The following DLAT variants were observed in gnomAD, a reference collection of about 807,000 sequenced individuals.
DLAT encodes the protein dihydrolipoyllysine-residue acetyltransferase component of pyruvate dehydrogenase complex, mitochondrial.
Under a neutral mutation model 68.0 loss-of-function variants are expected in DLAT, and 43 were observed. That is an observed-to-expected ratio of 0.63 (90% confidence interval 0.50 to 0.81). DLAT has a LOEUF of 0.81. Among genes scored for constraint, DLAT ranks in the 40% least tolerant of loss-of-function variants. The pLI is 0.00. For missense variants in DLAT, 745 were observed against 815.4 expected (o/e 0.91, Z 1.05); for synonymous variants, 265 against 288.6 (o/e 0.92, Z 0.83).
intron 9 of DLAT, 96 bp downstream of exon 9, chr11:112,045,326 T>A: frequency 9.7e-7 from 1 of 1,034,632 alleles, no homozygotes. Flanking sequence ...AGAGGCTTTT[T>A]AAGTTGGGAA....
rs1489118768 is a variant in DLAT at position 112,025,589 on chromosome 11, C to G, written c.117C>G (p.Gly39=). The part of the protein sequence containing the change: ...PGTPRVTSRS[G]PAPARRNSVT... The stretch of plus-strand genomic sequence containing the variant: ...CTCCACGAGTGACCTCGCGATCTGG[C>G]CCGGCTCCCGCTCGTCGCAACAGCG... Residue 39 remains glycine (G), a synonymous_variant, in exon 1 of 14, where the codon GGC becomes GGG. Transcript: ENST00000280346. 5.6e-6 allele frequency: 9 copies of G among 1,613,826 alleles called. No individual in the cohort carries two copies. The highest frequency in any genetic ancestry group is 7.6e-6 in the Non-Finnish European group (9 of 1,180,004).
chr11:112,036,205 T>TGG (rs1566617834), intron 5 of DLAT, among the ~76,000 whole-genome samples: 1 of 36,920 alleles, frequency 2.7e-5, no homozygotes, highest in African/African-American at 1.0e-4. Context: ...GTGTGTGTTT[T>TGG]TTTTTTTTTT....
intron 7 of DLAT, 72 bp downstream of exon 7, chr11:112,039,469 G>A: frequency 4.2e-6 from 6 of 1,436,962 alleles, no homozygotes; most frequent in Non-Finnish European, 5.9e-6. Flanking sequence ...AGACTTGCAA[G>A]TACAACTATG....
At chr11:112,026,797 G>T (rs1377736875) in intron 2 of DLAT, among the ~76,000 whole-genome samples, 1 of 152,068 alleles carries the variant, frequency 6.6e-6, no homozygotes, top group Non-Finnish European at 1.5e-5. Context: ...AACCGCCATT[G>T]TCATCATGGC....
At chr11:112,034,122 T>C (rs1862564942) in intron 5 of DLAT, among the ~76,000 whole-genome samples, 1 of 152,224 alleles carries the variant, frequency 6.6e-6, no homozygotes, top group South Asian at 2.1e-4. Context: ...TCACAGATTA[T>C]TTTTAGGCCC....
At chr11:112,059,804 C>A (rs1864436617) in intron 11 of DLAT, 99 bp from the exon 12 acceptor site, 2 of 1,102,380 alleles carry the variant, frequency 1.8e-6, no homozygotes, top group African/African-American at 1.6e-5. Flanking sequence ...CACATTGGTT[C>A]AAAAAATTTT....
At chr11:112,042,287 G>A (rs1406007588) in intron 7 of DLAT, among the ~76,000 whole-genome samples, 3 of 152,224 alleles carry the variant, frequency 2.0e-5, no homozygotes, top group Admixed American at 6.5e-5. Flanking sequence ...ATTCTTGTGG[G>A]TGGCTGAAGC....
chr11:112,048,406 A>T lies in DLAT; in HGVS notation c.1398+2436A>T, dbSNP rs185207356. ...GGTTTTCTAACTATACAATCATGTC[A>T]TCTACAAACAGACAATTTGACTTCC... On this transcript the variant is annotated intron_variant, in intron 10 of 13. Coordinates refer to ENST00000280346, the MANE Select transcript of DLAT (RefSeq NM_001931.5). Among the ~76,000 whole-genome samples, 4 of 152,326 alleles carry T rather than the reference A, an allele frequency of 2.6e-5. No individual in the cohort carries two copies. In the East Asian group the frequency reaches 7.7e-4, roughly 29 times the overall value.
chr11:112,044,130 GT>G (rs1430136301), intron 8 of DLAT, among the ~76,000 whole-genome samples: 1 of 152,040 alleles, frequency 6.6e-6, no homozygotes, highest in Non-Finnish European at 1.5e-5. Context: ...TAAAAGATTT[GT>G]TCTTTTTTTC....
intron 4 of DLAT, chr11:112,030,112 C>T (rs1464119842): frequency 5.2e-6 from 4 of 765,808 alleles, no homozygotes; most frequent in Non-Finnish European, 9.1e-6. Flanking sequence ...CTGGCGACTC[C>T]AGTACCATCT....
At chr11:112,039,480 T>A in intron 7 of DLAT, 83 bp downstream of exon 7, 2 of 1,349,838 alleles carry the variant, frequency 1.5e-6, no homozygotes, top group Non-Finnish European at 2.1e-6. Flanking sequence ...TACAACTATG[T>A]ATAGCCGTAC....
chr11:112,041,981 C>G (rs1555181031), intron 7 of DLAT, among the ~76,000 whole-genome samples: 1 of 151,882 alleles, frequency 6.6e-6, no homozygotes, highest in Non-Finnish European at 1.5e-5. Flanking sequence ...CATAAATGAC[C>G]TTATAGATTA....
chr11:112,063,271 A>G lies in DLAT; in HGVS notation c.*736A>G, dbSNP rs1347122029. 1 of 152,302 alleles carries G rather than the reference A, an allele frequency of 6.6e-6. No homozygotes were observed. Among genetic ancestry groups the G allele is most frequent in the Admixed American group, 6.5e-5 (1 of 15,294 alleles). 9.4% of individuals were successfully genotyped at this position (152,302 alleles called of 1,614,324 possible). ...ATGTGTAATTTTGAGTACAGAATTC[A>G]ACAGTTACCTCCAAAAAAGAAACAT... On this transcript the variant is annotated 3_prime_UTR_variant, in exon 14 of 14. Transcript: ENST00000280346.
chr11:112,046,482 A>G (rs1215608689), intron 10 of DLAT, among the ~76,000 whole-genome samples: 1 of 138,004 alleles, frequency 7.2e-6, no homozygotes, highest in Admixed American at 7.2e-5. Context: ...TTGTTTTATT[A>G]TACTTTAAGT....
At position 112,045,860 on chromosome 11, in the gene DLAT, C is replaced by T; in HGVS notation, c.1291-3C>T. ...TTGATTTTTTAAATCTCTTTGGTTT[C>T]AGGTTATTGCACAGCGATTAATGCA... is the stretch of plus-strand genomic sequence containing the variant. On this transcript the variant is annotated splice_region_variant and splice_polypyrimidine_tract_variant and intron_variant, in intron 9 of 13. Coordinates refer to ENST00000280346, the MANE Select transcript of DLAT (RefSeq NM_001931.5). 2.5e-6 allele frequency: 4 copies of T among 1,587,254 alleles called. No homozygotes were observed. The highest frequency in any genetic ancestry group is 3.5e-6 in the Non-Finnish European group (4 of 1,155,818).
chr11:112,061,392 A>G (rs2135168607), intron 13 of DLAT: 1 of 542,060 alleles, frequency 1.8e-6, no homozygotes, highest in Non-Finnish European at 3.3e-6. Context: ...ATACCTAAAC[A>G]GCACTTCATT....
intron 5 of DLAT, among the ~76,000 whole-genome samples, chr11:112,035,946 A>G (rs1862699956): frequency 1.7e-5 from 1 of 58,144 alleles, no homozygotes; most frequent in Non-Finnish European, 3.3e-5. Context: ...GCCTGCCACC[A>G]TGCCTGGCTA....
At chr11:112,059,681 C>T (rs891200421) in intron 11 of DLAT, among the ~76,000 whole-genome samples, 3 of 152,302 alleles carry the variant, frequency 2.0e-5, no homozygotes, top group South Asian at 2.1e-4. Flanking sequence ...GCATGAGCCA[C>T]CGTTCCCGGA....
chr11:112,039,545 AGT>A, intron 7 of DLAT, 148 bp downstream of exon 7: 1 of 877,386 alleles, frequency 1.1e-6, no homozygotes, highest in Admixed American at 2.1e-5. Flanking sequence ...AGGGAGAAAT[AGT>A]TCTTTTGTTG....
Sources: gnomAD v4.1 joint callset for allele counts (sites outside exome capture counted in the v4.1 genomes callset) on GRCh38, gnomAD v4.1.1 for gene constraint, MANE v1.5 for transcripts, NCBI Gene and HGNC (gene_info 2026-07-23, HGNC 2026-07-21) for gene names.